The following SLAIN2 variants were observed in gnomAD, a reference collection of about 807,000 sequenced individuals.
SLAIN2 encodes the protein SLAIN motif-containing protein 2.
In SLAIN2, 31 loss-of-function variants were observed where a neutral mutation model predicts 56.6. The observed-to-expected ratio is 0.55, with a 90% CI of 0.41 to 0.74. SLAIN2 has a LOEUF of 0.74. SLAIN2 is among the 30% of genes least tolerant of loss of function. The pLI is 0.00. For synonymous variants in SLAIN2, 317 were observed against 284.9 expected, an observed-to-expected ratio of 1.11 and a Z score of -1.13; for missense variants, 777 against 754.2, an observed-to-expected ratio of 1.03 and a Z score of -0.35.
intron 6 of SLAIN2, among the ~76,000 whole-genome samples, chr4:48,386,527 A>C (rs970683054): frequency 2.0e-5 from 3 of 152,210 alleles, no homozygotes; most frequent in African/African-American, 7.2e-5. Context: ...TCTAACGTTT[A>C]AAGCACTGTA....
intron 6 of SLAIN2, among the ~76,000 whole-genome samples, chr4:48,414,144 CAGAT>C (rs1716936307): frequency 6.6e-6 from 1 of 152,168 alleles, no homozygotes; most frequent in Admixed American, 6.5e-5. Flanking sequence ...TTGCTCAGAG[CAGAT>C]AGATCTCCTT....
chr4:48,376,376 GC>G (rs1715809692), intron 2 of SLAIN2, among the ~76,000 whole-genome samples: 1 of 149,858 alleles, frequency 6.7e-6, no homozygotes, highest in African/African-American at 2.5e-5. Flanking sequence ...AATCGTTTGA[GC>G]CCAAGAGGCA....
At chr4:48,376,707 C>T (rs1489476099) in intron 2 of SLAIN2, among the ~76,000 whole-genome samples, 8 of 148,288 alleles carry the variant, frequency 5.4e-5, no homozygotes, top group East Asian at 2.1e-4. Context: ...CTGCAAGCCC[C>T]GCCTCCCGGG....
rs1321076795 is a variant in SLAIN2, at chr4:48,412,403, CACACACACACACAT to C, written c.1361-7721_1361-7708del. On this transcript the variant is annotated intron_variant, in intron 6 of 7. Coordinates refer to ENST00000264313, the MANE Select transcript of SLAIN2 (RefSeq NM_020846.2). ...ACACACACACACACACACACACACA[CACACACACACACAT>C]TCCCTCTCTCTCTCTCTCTCTGTGT... Among the ~76,000 whole-genome samples the C allele has an allele frequency of 4.9e-3, 270 of 55,426 alleles. 10 individuals carry two copies. The highest frequency in any genetic ancestry group is 0.03 in the South Asian group (29 of 972). 36.4% of individuals were successfully genotyped at this position (55,426 alleles called of 152,430 possible).
intron 6 of SLAIN2, among the ~76,000 whole-genome samples, chr4:48,394,873 A>G (rs1003686669): frequency 6.6e-6 from 1 of 152,216 alleles, no homozygotes; most frequent in African/African-American, 2.4e-5. Flanking sequence ...GGAGTAAATG[A>G]TATATAGAGA....
intron 1 of SLAIN2, 22 bp from the exon 2 acceptor site, chr4:48,369,827 G>T (rs1715618664): frequency 6.3e-7 from 1 of 1,599,390 alleles, no homozygotes; most frequent in Non-Finnish European, 8.5e-7. Context: ...GGAATTTTCT[G>T]TTTTTTGTTG....
rs1366846585 is a variant in SLAIN2, at chr4:48,420,166, CCTT to C, written c.1403_1405del (p.Pro468del). On this transcript the variant is annotated inframe_deletion, in exon 7 of 8. Coordinates refer to ENST00000264313, the MANE Select transcript of SLAIN2 (RefSeq NM_020846.2). ...ATTCCGTTCCCCTGCAGCACCATCT[CCTT>C]TGGCTCTTCGGCAACCAGTGAAAGC... is the stretch of plus-strand genomic sequence containing the variant. 6.2e-7 allele frequency: 1 copy of C among 1,613,970 alleles called. No individual in the cohort carries two copies. Among genetic ancestry groups the C allele is most frequent in the Admixed American group, 1.7e-5 (1 of 60,024 alleles).
At chr4:48,391,999 A>G (rs1373767234) in intron 6 of SLAIN2, among the ~76,000 whole-genome samples, 1 of 152,256 alleles carries the variant, frequency 6.6e-6, no homozygotes, top group Non-Finnish European at 1.5e-5. Context: ...ATAACCAAAG[A>G]AAGTTTTAAA....
intron 6 of SLAIN2, among the ~76,000 whole-genome samples, chr4:48,418,230 C>G (rs1717051041): frequency 6.8e-6 from 1 of 147,506 alleles, no homozygotes; most frequent in Non-Finnish European, 1.5e-5. Flanking sequence ...ATGTTCTTGT[C>G]TTGTTCCTGG....
intron 6 of SLAIN2, among the ~76,000 whole-genome samples, chr4:48,409,885 AAATAAT>A (rs769339482): frequency 1.4e-4 from 21 of 151,612 alleles, no homozygotes; most frequent in Admixed American, 1.4e-3. Context: ...CTCCATCTCA[AAATAAT>A]AATAATAATA....
intron 2 of SLAIN2, among the ~76,000 whole-genome samples, chr4:48,377,667 C>T (rs946299656): frequency 6.6e-6 from 1 of 152,064 alleles, no homozygotes; most frequent in African/African-American, 2.4e-5. Context: ...AGTTACTCTT[C>T]CTGCATTATT....
At chr4:48,407,896 C>T (rs1002478005) in intron 6 of SLAIN2, among the ~76,000 whole-genome samples, 1 of 152,216 alleles carries the variant, frequency 6.6e-6, no homozygotes, top group Non-Finnish European at 1.5e-5. Context: ...TCTACCCTCT[C>T]TGTCTCTAGA....
Position 48,378,887 on chromosome 4 carries a change from A to G in SLAIN2, c.704-803A>G, listed in dbSNP as rs533512395. ...ACTCTGCTCTTTTTTCATTAATAGT[A>G]TAAAGATTAATTATTTTGTACTCTT... is the stretch of plus-strand genomic sequence containing the variant. On this transcript the variant is annotated intron_variant, in intron 3 of 7. Transcript: ENST00000264313. Among the ~76,000 whole-genome samples, 19 of 152,278 alleles carry G rather than the reference A, an allele frequency of 1.2e-4. No homozygotes were observed. The South Asian group carries it at 3.9e-3, about 32-fold the overall frequency.
intron 1 of SLAIN2, among the ~76,000 whole-genome samples, chr4:48,363,901 G>T (rs554916311): frequency 7.3e-6 from 1 of 137,816 alleles, no homozygotes; most frequent in Non-Finnish European, 1.6e-5. Flanking sequence ...CCTCCCGGAC[G>T]GCACGGCTGG....
chr4:48,409,400 C>T (rs994784265), intron 6 of SLAIN2, among the ~76,000 whole-genome samples: 5 of 152,190 alleles, frequency 3.3e-5, no homozygotes, highest in African/African-American at 1.2e-4. Context: ...TAAGTACACT[C>T]AGATGTTCCT....
intron 6 of SLAIN2, among the ~76,000 whole-genome samples, chr4:48,411,067 G>C (rs943824788): frequency 6.6e-6 from 1 of 152,060 alleles, no homozygotes; most frequent in African/African-American, 2.4e-5. Context: ...TGTTTCGTTG[G>C]TGTTTTTTCG....
intron 1 of SLAIN2, among the ~76,000 whole-genome samples, chr4:48,354,077 T>A (rs973390928): frequency 3.9e-5 from 6 of 152,098 alleles, no homozygotes; most frequent in Non-Finnish European, 7.3e-5. Flanking sequence ...ATCAGAAAAT[T>A]ATGTATGTCC....
At chr4:48,368,409 C>CG (rs1487371419) in intron 1 of SLAIN2, among the ~76,000 whole-genome samples, 1 of 152,054 alleles carries the variant, frequency 6.6e-6, no homozygotes, top group Non-Finnish European at 1.5e-5. Flanking sequence ...AGTAGGGTAA[C>CG]TATGTATGTA....
intron 5 of SLAIN2, 27 bp downstream of exon 5, chr4:48,382,954 T>G: frequency 6.4e-7 from 1 of 1,552,368 alleles, no homozygotes; most frequent in Admixed American, 1.9e-5. Context: ...TACTAATAAT[T>G]AGACAGTTTC....
Sources: gnomAD v4.1 joint callset for allele counts (sites outside exome capture counted in the v4.1 genomes callset) on GRCh38, gnomAD v4.1.1 for gene constraint, MANE v1.5 for transcripts, NCBI Gene and HGNC (gene_info 2026-07-23, HGNC 2026-07-21) for gene names.